The following MGMT variants were observed in gnomAD, a reference collection of about 807,000 sequenced individuals.
The protein encoded by MGMT is O-6-methylguanine-DNA methyltransferase.
MGMT carries 14 observed loss-of-function variants against 15.9 expected under a neutral mutation model. That is an observed-to-expected ratio of 0.88 (90% CI 0.58 to 1.37). The LOEUF (loss-of-function observed/expected upper bound fraction) is 1.37, where lower values mean the gene tolerates loss of function less well. MGMT is among the 40% of genes most tolerant of loss of function. The pLI, the probability that MGMT is intolerant of heterozygous loss-of-function variation, is 0.00. For synonymous variants in MGMT, 130 were observed against 118.2 expected, an observed-to-expected ratio of 1.10 and a Z score of -0.65; for missense variants, 282 against 268.1, an observed-to-expected ratio of 1.05 and a Z score of -0.36.
chr10:129,720,942 G>GGAA (rs1564773801), intron 3 of MGMT, among the ~76,000 whole-genome samples: 1 of 144,172 alleles, frequency 6.9e-6, no homozygotes, highest in African/African-American at 2.6e-5. Context: ...ATGTCAGGGG[G>GGAA]AAAAAAAAAA....
intron 2 of MGMT, among the ~76,000 whole-genome samples, chr10:129,621,511 G>A (rs495614): frequency 1 from 151,982 of 152,334 alleles, 75,816 homozygotes; most frequent in Middle Eastern, 1. Context: ...CATCAGATCT[G>A]TGCTACCTTG....
intron 3 of MGMT, among the ~76,000 whole-genome samples, chr10:129,732,400 C>T (rs1472959380): frequency 3.4e-5 from 5 of 145,140 alleles, no homozygotes; most frequent in Non-Finnish European, 5.9e-5. Context: ...TGAGAACATG[C>T]GGTGTTTGGT....
At chr10:129,590,336 C>G (rs1424502502) in intron 2 of MGMT, among the ~76,000 whole-genome samples, 3 of 152,112 alleles carry the variant, frequency 2.0e-5, no homozygotes, top group Admixed American at 6.5e-5. Context: ...TGAACTTTTC[C>G]CTGAAAAGTA....
chr10:129,720,307 G>A (rs189844695), intron 3 of MGMT, among the ~76,000 whole-genome samples: 34 of 152,330 alleles, frequency 2.2e-4, no homozygotes, highest in Non-Finnish European at 1.0e-4. Flanking sequence ...CGTTCAAAGC[G>A]TGTGCCCATG....
intron 2 of MGMT, among the ~76,000 whole-genome samples, chr10:129,655,627 T>C (rs12708322): frequency 0.4 from 61,172 of 151,900 alleles, 14,246 homozygotes; most frequent in African/African-American, 0.64. Flanking sequence ...CAGGGATGAG[T>C]TTGTAAAACA....
chr10:129,661,232 T>C (rs1847593822), intron 2 of MGMT, among the ~76,000 whole-genome samples: 3 of 152,140 alleles, frequency 2.0e-5, no homozygotes, highest in African/African-American at 7.2e-5. Flanking sequence ...TTTGCTTTTA[T>C]GGTGTTATGA....
At chr10:129,602,802 C>T (rs1428262930) in intron 2 of MGMT, among the ~76,000 whole-genome samples, 1 of 152,000 alleles carries the variant, frequency 6.6e-6, no homozygotes, top group Non-Finnish European at 1.5e-5. Flanking sequence ...ATGTAGCTTT[C>T]TGGTGTCTAC....
At chr10:129,751,135 T>A (rs1848746767) in intron 3 of MGMT, among the ~76,000 whole-genome samples, 2 of 152,068 alleles carry the variant, frequency 1.3e-5, no homozygotes, top group Non-Finnish European at 2.9e-5. Flanking sequence ...TTAAAACATT[T>A]TATAGAATTC....
chr10:129,500,323 G>A (rs112677800), intron 1 of MGMT, among the ~76,000 whole-genome samples: 8,958 of 152,218 alleles, frequency 0.059, 879 homozygotes, highest in African/African-American at 0.2. Flanking sequence ...GCCATGGGGG[G>A]CTGCCTCCCA....
intron 1 of MGMT, among the ~76,000 whole-genome samples, chr10:129,468,203 G>A (rs1845192094): frequency 6.6e-6 from 1 of 152,190 alleles, no homozygotes; most frequent in Admixed American, 6.5e-5. Context: ...CTGGGCAGGT[G>A]TCTAGGAGAT....
chr10:129,583,685 G>A (rs1028132959), intron 2 of MGMT, among the ~76,000 whole-genome samples: 18 of 152,216 alleles, frequency 1.2e-4, no homozygotes, highest in African/African-American at 2.4e-4. Flanking sequence ...TAGCAGGACC[G>A]TTTACATTTC....
intron 3 of MGMT, among the ~76,000 whole-genome samples, chr10:129,733,071 C>G (rs1480273435): frequency 6.7e-6 from 1 of 149,920 alleles, no homozygotes; most frequent in African/African-American, 2.5e-5. Context: ...GGGTATATAC[C>G]CAGTAATGGG....
chr10:129,738,658 C>T (rs937481766), intron 3 of MGMT, among the ~76,000 whole-genome samples: 13 of 152,120 alleles, frequency 8.5e-5, no homozygotes, highest in South Asian at 2.1e-4. Context: ...TGAATAGTGC[C>T]GCAGTAAACA....
intron 2 of MGMT, among the ~76,000 whole-genome samples, chr10:129,552,479 A>G (rs1049351539): frequency 2.0e-5 from 3 of 152,242 alleles, no homozygotes; most frequent in Non-Finnish European, 4.4e-5. Context: ...TCAATGTCAC[A>G]GAATTCTGAG....
chr10:129,764,128 G>A (rs1236663881), intron 4 of MGMT, among the ~76,000 whole-genome samples: 1 of 152,240 alleles, frequency 6.6e-6, no homozygotes, highest in Non-Finnish European at 1.5e-5. Context: ...GGTGCGTGGA[G>A]CCATGCAGGA....
chr10:129,755,011 A>G (rs1004220888), intron 3 of MGMT, among the ~76,000 whole-genome samples: 1 of 152,238 alleles, frequency 6.6e-6, no homozygotes, highest in Non-Finnish European at 1.5e-5. Context: ...TGAGGACAAC[A>G]GAGGGATAAC....
chr10:129,638,182 C>G (rs1847283360), intron 2 of MGMT, among the ~76,000 whole-genome samples: 1 of 152,016 alleles, frequency 6.6e-6, no homozygotes, highest in Non-Finnish European at 1.5e-5. Context: ...CCTAGACACA[C>G]CAATCTGTAA....
At chr10:129,676,756 A>C (rs1366389951) in intron 2 of MGMT, among the ~76,000 whole-genome samples, 1 of 151,720 alleles carries the variant, frequency 6.6e-6, no homozygotes, top group East Asian at 1.9e-4. Flanking sequence ...TTTCTTGGTA[A>C]ATATGCAAGC....
intron 2 of MGMT, among the ~76,000 whole-genome samples, chr10:129,676,210 G>A (rs7087131): frequency 0.15 from 23,367 of 152,184 alleles, 1,973 homozygotes; most frequent in East Asian, 0.19. Flanking sequence ...GCATTGGGCC[G>A]GATGTTACTG....
Sources: gnomAD v4.1 joint callset for allele counts (sites outside exome capture counted in the v4.1 genomes callset) on GRCh38, gnomAD v4.1.1 for gene constraint, MANE v1.5 for transcripts, NCBI Gene and HGNC (gene_info 2026-07-23, HGNC 2026-07-21) for gene names.